DAB2: variants seen among roughly 807,000 people sequenced by gnomAD.
The protein encoded by DAB2 is DAB adaptor protein 2.
Under a neutral mutation model 71.6 loss-of-function variants are expected in DAB2, and 28 were observed. The ratio of observed to expected loss-of-function variants is 0.39; its 90% confidence interval spans 0.29 to 0.54. DAB2 has a LOEUF of 0.54. DAB2 is among the 20% of genes least tolerant of loss of function. DAB2 has a pLI of 0.68. For synonymous variants in DAB2, 345 were observed against 339.7 expected, an observed-to-expected ratio of 1.02 and a Z score of -0.17; for missense variants, 867 against 928.8, an observed-to-expected ratio of 0.93 and a Z score of 0.86.
intron 4 of DAB2, among the ~76,000 whole-genome samples, chr5:39,391,442 C>A (rs3822459): frequency 0.028 from 4,208 of 152,004 alleles, 109 homozygotes; most frequent in African/African-American, 0.066. Flanking sequence ...CAGATAAAGG[C>A]GACTGATAAA....
chr5:39,378,755 C>T (rs1039549706), intron 11 of DAB2, among the ~76,000 whole-genome samples: 4 of 152,210 alleles, frequency 2.6e-5, no homozygotes, highest in African/African-American at 9.6e-5. Context: ...AAATCAGGCA[C>T]ACTGGCTCTA....
chr5:39,417,468 T>A (rs532161178), intron 1 of DAB2: 2 of 152,282 alleles, frequency 1.3e-5, no homozygotes, highest in Non-Finnish European at 2.9e-5. Context: ...ACTGCATGAT[T>A]TGCATATGCG....
chr5:39,399,246 T>C (rs753260165), intron 1 of DAB2, among the ~76,000 whole-genome samples: 10 of 152,042 alleles, frequency 6.6e-5, no homozygotes, highest in Non-Finnish European at 5.9e-5. Flanking sequence ...AGTGCAAAAT[T>C]AGTCAGGAAA....
chr5:39,393,350 G>A lies in DAB2; in HGVS notation c.135C>T (p.Gly45=), dbSNP rs758227666. 1.9e-5 allele frequency: 31 copies of A among 1,613,648 alleles called. No homozygotes were observed. Among genetic ancestry groups the A allele is most frequent in the African/African-American group, 6.7e-5 (5 of 74,836 alleles). Residue 45 remains glycine, a synonymous_variant, in exon 3 of 15, where the codon GGC becomes GGT. Transcript: ENST00000320816. ...TDEYLLARFK[G]DGVKYKAKLI... is the part of the protein sequence containing the mutation. ...GCTTGGCCTTATATTTTACACCATCGCCTTTGAACCTTGCTAAGAGATATT... is the reference window on the plus strand; with the variant it reads ...GCTTGGCCTTATATTTTACACCATCACCTTTGAACCTTGCTAAGAGATATT...
intron 4 of DAB2, among the ~76,000 whole-genome samples, chr5:39,390,993 G>A (rs1755214843): frequency 6.6e-6 from 1 of 152,176 alleles, no homozygotes; most frequent in Admixed American, 6.5e-5. Context: ...GGGATTCATT[G>A]ACGATGGCTC....
chr5:39,395,391 T>C (rs906699518), intron 1 of DAB2, among the ~76,000 whole-genome samples: 1 of 152,178 alleles, frequency 6.6e-6, no homozygotes, highest in Admixed American at 6.5e-5. Flanking sequence ...ACAAAAGCCC[T>C]CTTCATTCCG....
chr5:39,381,372 A>G, intron 11 of DAB2, 82 bp downstream of exon 11: 1 of 1,408,130 alleles, frequency 7.1e-7, no homozygotes, highest in Non-Finnish European at 9.8e-7. Context: ...ACCCTCTGGG[A>G]GTATGAAATC....
Position 39,422,325 on chromosome 5 carries a change from T to G in DAB2, c.-102+2479A>C, listed in dbSNP as rs1756009488. The stretch of plus-strand genomic sequence containing the variant: ...CCTTCCTGGCCAGTAAGCTTTCGAA[T>G]CTTTCCAGCTGGGGAGGTATGTTCT... On this transcript the variant is annotated intron_variant, in intron 1 of 14. Coordinates refer to ENST00000320816, the MANE Select transcript of DAB2 (RefSeq NM_001343.4). The surrounding 1 kb of genome is among the most constrained non-coding windows in gnomAD (Gnocchi z 4.1). 6.6e-6 allele frequency among the ~76,000 whole-genome samples: 1 copy of G among 152,130 alleles called. No homozygotes were observed. Among genetic ancestry groups the G allele is most frequent in the Non-Finnish European group, 1.5e-5 (1 of 68,024 alleles).
Position 39,421,301 on chromosome 5 carries a change from T to A in DAB2, c.-102+3503A>T, listed in dbSNP as rs573757585. Among the ~76,000 whole-genome samples, 39 of 152,336 alleles carry A rather than the reference T, an allele frequency of 2.6e-4. 1 individual carries two copies. The highest frequency in any genetic ancestry group is 2.3e-3 in the South Asian group (11 of 4,832). ...TTTTCACAAAGACACTTAATTCAGT[T>A]GTTCAGGGGGGAGTAATAACAAACA... On this transcript the variant is annotated intron_variant, in intron 1 of 14. Transcript: ENST00000320816.
intron 6 of DAB2, among the ~76,000 whole-genome samples, chr5:39,389,483 A>G (rs1254729867): frequency 2.0e-5 from 3 of 149,320 alleles, no homozygotes; most frequent in Non-Finnish European, 4.4e-5. Context: ...ATATTTATAT[A>G]TAATATTAAA....
chr5:39,401,787 C>CAAACTGTCTTGGTCAAACTGTCTCATTAA (rs1755505582), intron 1 of DAB2, among the ~76,000 whole-genome samples: 1 of 145,480 alleles, frequency 6.9e-6, no homozygotes, highest in Non-Finnish European at 1.5e-5. Context: ...GAGTCTTGCT[C>CAAACTGTCTTGGTCAAACTGTCTCATTAA]TGTCGCCCAG....
chr5:39,424,401 C>A (rs1468328305), intron 1 of DAB2, among the ~76,000 whole-genome samples: 1 of 151,502 alleles, frequency 6.6e-6, no homozygotes, highest in African/African-American at 2.4e-5. Context: ...AAAATAAACA[C>A]CCTTCGAGGA....
intron 9 of DAB2, chr5:39,385,539 A>C (rs2542713): frequency 0.55 from 82,955 of 152,008 alleles, 22,648 homozygotes; most frequent in South Asian, 0.56. Flanking sequence ...TCATCCACCC[A>C]CTTGGTCAGC....
At chr5:39,389,151 T>C (rs754782608) in intron 6 of DAB2, 28 bp from the exon 7 acceptor site, 3 of 1,591,524 alleles carry the variant, frequency 1.9e-6, no homozygotes, top group South Asian at 1.1e-5. Flanking sequence ...TATTCAGTGA[T>C]CTTCATATTC....
At chr5:39,388,515 G>T in intron 8 of DAB2, 148 bp from the exon 9 acceptor site, 1 of 671,500 alleles carries the variant, frequency 1.5e-6, no homozygotes, top group South Asian at 1.9e-5. Context: ...AAGCTGTTTA[G>T]GTCAGGAAGT....
At chr5:39,374,019 G>T (rs1754759552) in intron 14 of DAB2, among the ~76,000 whole-genome samples, 2 of 152,116 alleles carry the variant, frequency 1.3e-5, no homozygotes. Context: ...AGGTACTACA[G>T]GAAACACAGT....
chr5:39,416,579 C>T (rs1380326013), intron 1 of DAB2, among the ~76,000 whole-genome samples: 3 of 152,124 alleles, frequency 2.0e-5, no homozygotes, highest in Admixed American at 2.0e-4. Flanking sequence ...CATAGACACA[C>T]CAGACCTTCT....
chr5:39,380,326 G>T (rs1204773929), intron 11 of DAB2, among the ~76,000 whole-genome samples: 2 of 152,138 alleles, frequency 1.3e-5, no homozygotes. Flanking sequence ...TGATTAAACA[G>T]ATTTCTTGTA....
At chr5:39,401,611 GA>G (rs1013888725) in intron 1 of DAB2, among the ~76,000 whole-genome samples, 7 of 151,824 alleles carry the variant, frequency 4.6e-5, no homozygotes, top group African/African-American at 1.7e-4. Context: ...TGAGCTATTA[GA>G]AAAAAAATCA....
Sources: allele counts gnomAD v4.1 joint callset (sites outside exome capture counted in the v4.1 genomes callset), GRCh38; gene constraint gnomAD v4.1.1; non-coding constraint Gnocchi (gnomAD v3.1); transcripts MANE v1.5; gene names NCBI Gene and HGNC (gene_info 2026-07-23, HGNC 2026-07-21).